KIAA0753: variants seen among roughly 807,000 people sequenced by gnomAD.
KIAA0753 encodes protein moonraker.
A neutral mutation model predicts 116.9 loss-of-function variants in KIAA0753; 114 were observed. The ratio of observed to expected loss-of-function variants is 0.98; its 90% CI spans 0.84 to 1.14. The LOEUF (loss-of-function observed/expected upper bound fraction) is 1.14, where lower values mean the gene tolerates loss of function less well. KIAA0753 is among the 50% of genes most tolerant of loss of function. KIAA0753 has a pLI of 0.00. For synonymous variants in KIAA0753, 405 were observed against 413.1 expected (o/e 0.98, Z 0.24); for missense variants, 1,156 against 1,172.4 (o/e 0.99, Z 0.20).
At chr17:6,617,743 G>A (rs545275799) in intron 7 of KIAA0753, among the ~76,000 whole-genome samples, 10 of 152,322 alleles carry the variant, frequency 6.6e-5, no homozygotes, top group African/African-American at 2.4e-4. Context: ...CATCCTCCAG[G>A]AAGTGGAGAG....
At chr17:6,618,762 C>T (rs564162430) in intron 7 of KIAA0753, among the ~76,000 whole-genome samples, 5 of 151,878 alleles carry the variant, frequency 3.3e-5, no homozygotes, top group Admixed American at 6.6e-5. Context: ...ATATATATAA[C>T]TTTCAAATCA....
Position 6,609,151 on chromosome 17 carries a change from G to A in KIAA0753, c.1713-687C>T, listed in dbSNP as rs535879685. On this transcript the variant is annotated intron_variant, in intron 9 of 18. Coordinates refer to ENST00000361413, the MANE Select transcript of KIAA0753 (RefSeq NM_014804.3). The stretch of plus-strand genomic sequence containing the variant: ...CACGGCCATTCCTTCACACTCATTC[G>A]GAATCTTAGGGGGCTTCTCTTCCAC... 5.9e-5 allele frequency among the ~76,000 whole-genome samples: 9 copies of A among 152,208 alleles called. No homozygotes were observed. In the East Asian group the frequency reaches 1.4e-3, roughly 23 times the overall value.
At chr17:6,608,287 T>C in intron 10 of KIAA0753, 61 bp downstream of exon 10, 1 of 725,564 alleles carries the variant, frequency 1.4e-6, no homozygotes, top group Non-Finnish European at 2.1e-6. Context: ...AGGGTTCACT[T>C]CCAAGTCTAT....
At chr17:6,624,536 C>CCACACACACACACACA (rs55849399) in intron 4 of KIAA0753, among the ~76,000 whole-genome samples, 37 of 144,020 alleles carry the variant, frequency 2.6e-4, no homozygotes, top group East Asian at 8.2e-4. Flanking sequence ...GAGTTTGGCG[C>CCACACACACACACACA]CACACACACA....
At chr17:6,594,280 C>CG (rs1969300504) in intron 16 of KIAA0753, among the ~76,000 whole-genome samples, 1 of 31,284 alleles carries the variant, frequency 3.2e-5, no homozygotes, top group Admixed American at 4.8e-4. Flanking sequence ...GATTCTGACC[C>CG]CCCCCCCCAG....
intron 2 of KIAA0753, among the ~76,000 whole-genome samples, chr17:6,633,149 T>G (rs1200312692): frequency 6.6e-6 from 1 of 152,210 alleles, no homozygotes; most frequent in Non-Finnish European, 1.5e-5. Flanking sequence ...AATTTACTCT[T>G]AAATGGTTTA....
rs747885289 is a variant in KIAA0753, at chr17:6,589,762, C to T, written c.2786+17G>A. ...GCAATTTGGTTCCTAAACAGAGGACCGTAACATTTTACTGACCTTTCAGCT... is the reference window on the plus strand; with the variant it reads ...GCAATTTGGTTCCTAAACAGAGGACTGTAACATTTTACTGACCTTTCAGCT... On this transcript the variant is annotated intron_variant, in intron 18 of 18. Transcript: ENST00000361413. The T allele has an allele frequency of 7.0e-6, 11 of 1,578,714 alleles. No individual in the cohort carries two copies. Among genetic ancestry groups the T allele is most frequent in the African/African-American group, 1.4e-5 (1 of 72,796 alleles).
At chr17:6,594,855 AT>A (rs1283458926) in intron 16 of KIAA0753, 116 bp downstream of exon 16, 1 of 734,254 alleles carries the variant, frequency 1.4e-6, no homozygotes, top group Non-Finnish European at 2.4e-6. Context: ...TGAAATGTTA[AT>A]TGTAGAATCT....
intron 12 of KIAA0753, among the ~76,000 whole-genome samples, chr17:6,601,533 C>A (rs1969873212): frequency 6.6e-6 from 1 of 152,142 alleles, no homozygotes; most frequent in African/African-American, 2.4e-5. Context: ...ACCTAAAGAC[C>A]AACATAAGTG....
chr17:6,615,835 C>T (rs1278320596), intron 7 of KIAA0753, among the ~76,000 whole-genome samples: 1 of 152,130 alleles, frequency 6.6e-6, no homozygotes, highest in Non-Finnish European at 1.5e-5. Flanking sequence ...CTAATGCAAT[C>T]AACCAATTTA....
intron 7 of KIAA0753, among the ~76,000 whole-genome samples, chr17:6,619,992 C>T (rs139465047): frequency 5.0e-4 from 76 of 152,264 alleles, no homozygotes; most frequent in African/African-American, 1.8e-3. Flanking sequence ...ATAATGATTT[C>T]AGGAGCATTC....
chr17:6,617,371 A>G (rs961434430), intron 7 of KIAA0753, among the ~76,000 whole-genome samples: 1 of 152,234 alleles, frequency 6.6e-6, no homozygotes, highest in African/African-American at 2.4e-5. Context: ...CTGCCTACCA[A>G]TGAAGGAGAG....
intron 2 of KIAA0753, 92 bp downstream of exon 2, chr17:6,634,919 G>A (rs564146894): frequency 2.5e-6 from 2 of 794,036 alleles, no homozygotes; most frequent in South Asian, 1.6e-5. Context: ...CTGAATCTAG[G>A]AGGTGATTTC....
Position 6,610,000 on chromosome 17 carries a change from G to T in KIAA0753, c.1706C>A (p.Pro569His). The change falls in exon 9 of 19, where the codon CCT becomes CAT. Residue 569 changes from proline to histidine, a missense_variant. Physicochemically the swap from Pro to His is moderately conservative, Grantham distance 77 (BLOSUM62 -2). Transcript: ENST00000361413. ...CCCTTGAGTTTTCACATACCATTTA[G>T]GAGACGCTGGTGGGGATGTGGGGTT... ...PPNPTSPPAS[P>H]KCAAWLKVKT... 1 of 1,614,054 alleles carries T rather than the reference G, an allele frequency of 6.2e-7. No individual in the cohort carries two copies. Among genetic ancestry groups the T allele is most frequent in the Non-Finnish European group, 8.5e-7 (1 of 1,179,962 alleles).
At chr17:6,588,846 A>G (rs1283236898) in intron 18 of KIAA0753, among the ~76,000 whole-genome samples, 1 of 152,214 alleles carries the variant, frequency 6.6e-6, no homozygotes, top group Non-Finnish European at 1.5e-5. Context: ...TAGTAGCTAC[A>G]GGATCTTGTT....
rs1231135793 is a variant in KIAA0753, at chr17:6,620,776, T to TA, written c.1315+11dup. On this transcript the variant is annotated intron_variant, in intron 7 of 18. Coordinates refer to ENST00000361413, the MANE Select transcript of KIAA0753 (RefSeq NM_014804.3). ...ATAAAATGTCTTACAATAAACACTT[T>TA]AAGACACATACCGGCAAGAAGCTGC... 6.2e-7 allele frequency: 1 copy of TA among 1,612,478 alleles called. No homozygotes were observed. The highest frequency in any genetic ancestry group is 1.7e-5 in the Admixed American group (1 of 60,016).
chr17:6,600,553 G>A, intron 12 of KIAA0753, 95 bp from the exon 13 acceptor site: 1 of 896,440 alleles, frequency 1.1e-6, no homozygotes, highest in Middle Eastern at 2.8e-4. Flanking sequence ...GAAATAAAAT[G>A]ACCACGAGCT....
chr17:6,607,122 T>C lies in KIAA0753; in HGVS notation c.1919+59A>G, dbSNP rs1304718931. On this transcript the variant is annotated intron_variant, in intron 11 of 18. Transcript: ENST00000361413. The stretch of plus-strand genomic sequence containing the variant: ...CTAAATAATCTCTATTTATCATTAA[T>C]GTATAGAGATGTAGAATAGGCCTGC... 1.9e-5 allele frequency: 26 copies of C among 1,404,114 alleles called. No individual in the cohort carries two copies. The East Asian group carries it at 4.6e-4, about 25-fold the overall frequency. The allele number at this position is 1,404,114 out of a possible 1,614,324, so 87.0% of individuals were successfully genotyped here. A position where few individuals can be genotyped will look rare whatever the true frequency, so the allele number is the denominator to read the frequency against.
At chr17:6,615,071 T>C (rs979185175) in intron 7 of KIAA0753, among the ~76,000 whole-genome samples, 3 of 152,210 alleles carry the variant, frequency 2.0e-5, no homozygotes, top group Non-Finnish European at 2.9e-5. Flanking sequence ...AGTGCTGGGA[T>C]TACAGGTGTG....
Sources: allele counts gnomAD v4.1 joint callset (sites outside exome capture counted in the v4.1 genomes callset), GRCh38; gene constraint gnomAD v4.1.1; transcripts MANE v1.5; gene names NCBI Gene and HGNC (gene_info 2026-07-23, HGNC 2026-07-21).